Variants in RELN observed in about 807,000 individuals in gnomAD.
RELN encodes reelin.
A neutral mutation model predicts 427.6 loss-of-function variants in RELN; 108 were observed. The observed-to-expected ratio is 0.25, with a 90% CI of 0.22 to 0.30. The LOEUF is 0.30. Among genes scored for constraint, RELN ranks in the 10% least tolerant of loss-of-function variants. The probability of loss-of-function intolerance (pLI) is 1.00; values close to 1 mark genes in which losing one functional copy is unlikely to be tolerated. For synonymous variants in RELN, 1,524 were observed against 1,513.4 expected, an observed-to-expected ratio of 1.01 and a Z score of -0.16; for missense variants, 3,715 against 4,302.8, an observed-to-expected ratio of 0.86 and a Z score of 3.82.
intron 1 of RELN, among the ~76,000 whole-genome samples, chr7:103,939,274 C>T (rs1796058785): frequency 6.6e-6 from 1 of 151,764 alleles, no homozygotes; most frequent in Non-Finnish European, 1.5e-5. Flanking sequence ...CTTTTATCTT[C>T]CAAATAAATT....
intron 11 of RELN, among the ~76,000 whole-genome samples, chr7:103,677,205 T>G (rs13222982): frequency 0.12 from 17,722 of 147,408 alleles, 1,257 homozygotes; most frequent in South Asian, 0.19. Flanking sequence ...AAGTGGGAGT[T>G]GAACAATAAG....
rs545889060 is a variant in RELN, at chr7:103,670,347, T to C, written c.1290-8820A>G. 8.5e-5 allele frequency among the ~76,000 whole-genome samples: 13 copies of C among 152,272 alleles called. No homozygotes were observed. In the South Asian group the frequency reaches 2.7e-3, roughly 32 times the overall value. ...TTTAGGAACTTACCTTTCAGAAATA[T>C]TTTAACAAGCACACAAGAACGTTTA... On this transcript the variant is annotated intron_variant, in intron 11 of 64. Coordinates refer to ENST00000428762, the MANE Select transcript of RELN (RefSeq NM_005045.4).
chr7:103,720,440 T>C (rs996351798), intron 8 of RELN, among the ~76,000 whole-genome samples: 2 of 152,090 alleles, frequency 1.3e-5, no homozygotes, highest in African/African-American at 4.8e-5. Context: ...GTTATAATAA[T>C]AGAATTCCCT....
chr7:103,985,208 C>T (rs374404465), intron 1 of RELN, among the ~76,000 whole-genome samples: 1 of 151,928 alleles, frequency 6.6e-6, no homozygotes, highest in Non-Finnish European at 1.5e-5. Flanking sequence ...ATAGTGATGC[C>T]GGACTTACAA....
intron 32 of RELN, 29 bp downstream of exon 32, chr7:103,566,572 C>T (rs1184962751): frequency 6.8e-6 from 11 of 1,613,768 alleles, no homozygotes; most frequent in Non-Finnish European, 7.6e-6. Context: ...CTAAAAGCTA[C>T]CAGAAAGCTG....
At position 103,510,729 on chromosome 7, in the gene RELN, G is replaced by A. The variant is rs950611983; in HGVS notation, c.8274+122C>T. 2.0e-5 allele frequency: 16 copies of A among 786,498 alleles called. No homozygotes were observed. In the African/African-American group the frequency reaches 2.6e-4, roughly 13 times the overall value. The allele number at this position is 786,498 out of a possible 1,614,324, so 48.7% of individuals were successfully genotyped here. Reference sequence around the variant, plus strand: ...AGTTGAGTTGTATATTAGTTTAATAGTAAATTTTACTTTTCAAAGTATATA... The same window carrying A: ...AGTTGAGTTGTATATTAGTTTAATAATAAATTTTACTTTTCAAAGTATATA... On this transcript the variant is annotated intron_variant, in intron 51 of 64. Transcript: ENST00000428762.
intron 6 of RELN, among the ~76,000 whole-genome samples, chr7:103,743,432 C>G (rs545873385): frequency 8.6e-5 from 13 of 152,004 alleles, no homozygotes; most frequent in Admixed American, 5.2e-4. Flanking sequence ...TAAATGTAAA[C>G]GGGCTAAATG....
intron 2 of RELN, among the ~76,000 whole-genome samples, chr7:103,836,694 C>T (rs1029280643): frequency 6.6e-6 from 1 of 152,170 alleles, no homozygotes; most frequent in Non-Finnish European, 1.5e-5. Flanking sequence ...AACCACCTGA[C>T]AGATCCTACA....
At chr7:103,596,304 A>ATAAAATCTTTATATAC in intron 25 of RELN, 152 bp downstream of exon 25, 1 of 700,616 alleles carries the variant, frequency 1.4e-6, no homozygotes. Flanking sequence ...CTTAAGTGAA[A>ATAAAATCTTTATATAC]TAAAATCTTT....
intron 1 of RELN, among the ~76,000 whole-genome samples, chr7:103,930,083 C>A (rs1467713643): frequency 6.6e-6 from 1 of 152,152 alleles, no homozygotes; most frequent in Non-Finnish European, 1.5e-5. Context: ...AACAAAGTAC[C>A]ACAGATGGGG....
At chr7:103,897,614 A>C (rs1794989862) in intron 2 of RELN, among the ~76,000 whole-genome samples, 1 of 152,122 alleles carries the variant, frequency 6.6e-6, no homozygotes, top group South Asian at 2.1e-4. Context: ...ACTTGACAAA[A>C]ATAAGCTAAA....
chr7:103,598,013 G>A (rs1321101917), intron 24 of RELN, among the ~76,000 whole-genome samples: 1 of 152,160 alleles, frequency 6.6e-6, no homozygotes, highest in African/African-American at 2.4e-5. Context: ...AAGAAAACCT[G>A]AGATAATATA....
chr7:103,491,840 T>A, intron 58 of RELN, 113 bp downstream of exon 58: 1 of 616,222 alleles, frequency 1.6e-6, no homozygotes, highest in Non-Finnish European at 2.8e-6. Context: ...TCTCTCTCTC[T>A]CTCTCTCTCT....
rs1202751277 is a variant in RELN at position 103,624,434 on chromosome 7, CT to C, written c.2702+5505del. 6.6e-5 allele frequency among the ~76,000 whole-genome samples: 10 copies of C among 151,386 alleles called. No individual in the cohort carries two copies. The East Asian group carries it at 1.7e-3, about 26-fold the overall frequency. On this transcript the variant is annotated intron_variant, in intron 20 of 64. Transcript: ENST00000428762. ...CCTTTTTTCCTCATGTCCCACTCTA[CT>C]TTTTTTTTAAGTCGGAGTTTTACTC...
chr7:103,630,584 T>C (rs548566385), intron 19 of RELN, among the ~76,000 whole-genome samples: 14 of 152,188 alleles, frequency 9.2e-5, no homozygotes. Context: ...TAAACCTGCA[T>C]CTGACAAATG....
Position 103,563,492 on chromosome 7 carries a change from G to T in RELN, c.5211-1539C>A, listed in dbSNP as rs1157867480. Among the ~76,000 whole-genome samples, 2 of 152,174 alleles carry T rather than the reference G, an allele frequency of 1.3e-5. No homozygotes were observed. Among genetic ancestry groups the T allele is most frequent in the East Asian group, 3.9e-4 (2 of 5,194 alleles). On this transcript the variant is annotated intron_variant, in intron 34 of 64. Transcript: ENST00000428762. This position sits in a 1 kb window ranked among gnomAD's most constrained non-coding sequence, Gnocchi z 4.1. Reference sequence around the variant, plus strand: ...GCTGTACAATGTGCTTGTGTTTTAAGCTGTTATCACAAGAGTCCAAAAGTT... The same window carrying T: ...GCTGTACAATGTGCTTGTGTTTTAATCTGTTATCACAAGAGTCCAAAAGTT...
At position 103,574,160 on chromosome 7, in the gene RELN, T is replaced by A. The variant is rs1383880137; in HGVS notation, c.4443A>T (p.Lys1481Asn). The A allele has an allele frequency of 6.2e-7, 1 of 1,613,984 alleles. No homozygotes were observed. Among genetic ancestry groups the A allele is most frequent in the Non-Finnish European group, 8.5e-7 (1 of 1,180,016 alleles). ...TCCCAGGGCCATTGAAGTAGAGAGA[T>A]TTGCCATCGTTAAGTGTTCCACAGC... ...GTGCGTLNDG[K>N]SLYFNGPGKR... The change falls in exon 30 of 65, where the codon AAA (lysine) becomes AAT (asparagine). Residue 1481 changes from lysine (K) to asparagine (N), a missense_variant. Physicochemically the swap from Lys to Asn is moderately conservative, Grantham distance 94. This residue lies in a region of RELN where 2,208 missense variants were observed against 2,361.7 expected (regional missense o/e 0.93). Transcript: ENST00000428762.
chr7:103,592,017 A>G (rs1831427006), intron 27 of RELN, among the ~76,000 whole-genome samples: 1 of 152,170 alleles, frequency 6.6e-6, no homozygotes, highest in South Asian at 2.1e-4. Context: ...ATTGAGAGAA[A>G]GGTCGTATTC....
chr7:103,522,725 C>A (rs1323145989), intron 47 of RELN, among the ~76,000 whole-genome samples: 1 of 151,342 alleles, frequency 6.6e-6, no homozygotes. Context: ...TCTCAAGGGT[C>A]GTCCTGGGTA....
Sources: gnomAD v4.1 joint callset for allele counts (sites outside exome capture counted in the v4.1 genomes callset) on GRCh38, gnomAD v4.1.1 for gene constraint, gnomAD v4.1.1 regional missense constraint, Gnocchi (gnomAD v3.1) non-coding constraint, MANE v1.5 for transcripts, NCBI Gene and HGNC (gene_info 2026-07-23, HGNC 2026-07-21) for gene names.